Variants in ZNF385D observed in about 807,000 individuals in gnomAD.
The protein encoded by ZNF385D is zinc finger protein 659.
In ZNF385D, 15 loss-of-function variants were observed where a neutral mutation model predicts 35.8. The observed-to-expected ratio is 0.42, with a 90% confidence interval of 0.28 to 0.64. The LOEUF (loss-of-function observed/expected upper bound fraction) is 0.64. ZNF385D is among the 30% of genes least tolerant of loss of function. The probability of loss-of-function intolerance (pLI) is 0.23; values close to 1 mark genes in which losing one functional copy is unlikely to be tolerated. For missense variants in ZNF385D, 474 were observed against 494.6 expected, an observed-to-expected ratio of 0.96 and a Z score of 0.39; for synonymous variants, 212 against 186.8, an observed-to-expected ratio of 1.13 and a Z score of -1.10.
chr3:22,257,729 T>A (rs1311192369), intron 2 of ZNF385D, among the ~76,000 whole-genome samples: 1 of 151,796 alleles, frequency 6.6e-6, no homozygotes, highest in Non-Finnish European at 1.5e-5. Context: ...ACTCATACTA[T>A]CACTTTCTCA....
intron 3 of ZNF385D, among the ~76,000 whole-genome samples, chr3:21,523,862 G>A (rs1257395976): frequency 6.6e-6 from 1 of 151,948 alleles, no homozygotes; most frequent in African/African-American, 2.4e-5. Context: ...AGAAGAGGAG[G>A]GCAAGACTGG....
In ZNF385D at chr3:21,524,684, A is replaced by G. The variant is rs367776341; in HGVS notation, c.277-13661T>C. Among the ~76,000 whole-genome samples the G allele has an allele frequency of 3.3e-5, 5 of 152,170 alleles. No individual in the cohort carries two copies. In the East Asian group the frequency reaches 9.7e-4, roughly 29 times the overall value. ...GAGGGGATTCGTAAAGTCCAACTAT[A>G]GAAGGCTACAGTGAGTTGTCCTCCA... On this transcript the variant is annotated intron_variant, in intron 3 of 7. Coordinates refer to ENST00000281523, the MANE Select transcript of ZNF385D (RefSeq NM_024697.3).
intron 3 of ZNF385D, among the ~76,000 whole-genome samples, chr3:21,904,660 C>T (rs187635591): frequency 3.9e-5 from 6 of 152,180 alleles, no homozygotes; most frequent in Non-Finnish European, 5.9e-5. Context: ...CAGCAAATCA[C>T]GGAGCAGAAG....
chr3:21,927,972 C>T (rs1700815893), intron 3 of ZNF385D, among the ~76,000 whole-genome samples: 1 of 151,980 alleles, frequency 6.6e-6, no homozygotes, highest in Non-Finnish European at 1.5e-5. Flanking sequence ...GCCTGAAATC[C>T]CAATATTTTG....
intron 3 of ZNF385D, among the ~76,000 whole-genome samples, chr3:21,921,357 CT>C (rs1180733902): frequency 1.3e-5 from 2 of 151,784 alleles, no homozygotes; most frequent in African/African-American, 4.8e-5. Context: ...CAATCATTAA[CT>C]ATAGAAATTG....
intron 3 of ZNF385D, among the ~76,000 whole-genome samples, chr3:22,069,288 C>A (rs545141899): frequency 1.3e-5 from 2 of 152,084 alleles, no homozygotes; most frequent in Non-Finnish European, 2.9e-5. Flanking sequence ...GTTCTACATA[C>A]CCTCACCACA....
At chr3:22,231,495 C>T (rs1238179093) in intron 2 of ZNF385D, among the ~76,000 whole-genome samples, 2 of 152,168 alleles carry the variant, frequency 1.3e-5, no homozygotes, top group African/African-American at 4.8e-5. Context: ...CAGTAGCTGA[C>T]AAGAGGCCGT....
intron 3 of ZNF385D, among the ~76,000 whole-genome samples, chr3:21,804,647 G>T (rs572771386): frequency 6.6e-6 from 1 of 152,078 alleles, no homozygotes; most frequent in African/African-American, 2.4e-5. Flanking sequence ...ATTTACCTCT[G>T]GGCAATTCAT....
chr3:22,209,499 G>T (rs531673865), intron 2 of ZNF385D, among the ~76,000 whole-genome samples: 76 of 151,762 alleles, frequency 5.0e-4, no homozygotes, highest in African/African-American at 1.8e-3. Flanking sequence ...TTATATTAGT[G>T]TATTTATATA....
At chr3:22,316,100 A>C (rs1703871378) in intron 2 of ZNF385D, among the ~76,000 whole-genome samples, 3 of 152,156 alleles carry the variant, frequency 2.0e-5, no homozygotes, top group South Asian at 2.1e-4. Context: ...TCTGTGACTC[A>C]TAACTCAATT....
At chr3:22,142,247 A>C (rs549017474) in intron 3 of ZNF385D, among the ~76,000 whole-genome samples, 27 of 152,302 alleles carry the variant, frequency 1.8e-4, no homozygotes, top group Admixed American at 1.6e-3. Flanking sequence ...TTTAACTAAA[A>C]AAAATTTCTT....
chr3:22,291,881 T>C (rs1702318742), intron 2 of ZNF385D, among the ~76,000 whole-genome samples: 2 of 152,106 alleles, frequency 1.3e-5, no homozygotes, highest in South Asian at 4.1e-4. Flanking sequence ...TCAGTTTTCA[T>C]ATGTGAAACT....
chr3:21,858,053 T>C (rs1696830208), intron 3 of ZNF385D, among the ~76,000 whole-genome samples: 1 of 151,418 alleles, frequency 6.6e-6, no homozygotes, highest in African/African-American at 2.4e-5. Flanking sequence ...CTCCAGCTAC[T>C]CGGGAGGCTG....
intron 2 of ZNF385D, among the ~76,000 whole-genome samples, chr3:22,235,770 A>C (rs1699144228): frequency 1.3e-5 from 2 of 152,164 alleles, no homozygotes; most frequent in African/African-American, 4.8e-5. Context: ...GTGCTAATAA[A>C]GGCAGGAAAA....
At chr3:22,040,987 GA>G (rs1170548286) in intron 3 of ZNF385D, among the ~76,000 whole-genome samples, 4 of 151,908 alleles carry the variant, frequency 2.6e-5, no homozygotes, top group Non-Finnish European at 4.4e-5. Flanking sequence ...TCTTAGTATA[GA>G]AGCAGAGAAT....
intron 2 of ZNF385D, among the ~76,000 whole-genome samples, chr3:22,365,083 G>C (rs1696591328): frequency 6.6e-6 from 1 of 151,956 alleles, no homozygotes; most frequent in Non-Finnish European, 1.5e-5. Context: ...GGTTGCCAGG[G>C]GCTGTGGGCA....
intron 2 of ZNF385D, among the ~76,000 whole-genome samples, chr3:22,276,178 A>G (rs150847922): frequency 6.6e-6 from 1 of 152,250 alleles, no homozygotes; most frequent in African/African-American, 2.4e-5. Flanking sequence ...GAATTAATTT[A>G]AATTTCTTTT....
intron 3 of ZNF385D, among the ~76,000 whole-genome samples, chr3:22,005,056 C>CAAAAAAAAAAAAA (rs71044965): frequency 8.7e-5 from 5 of 57,370 alleles, no homozygotes; most frequent in South Asian, 7.6e-4. Context: ...CACTCAGCAG[C>CAAAAAAAAAAAAA]AAAAAAAAAA....
chr3:22,276,112 T>C (rs564719227), intron 2 of ZNF385D, among the ~76,000 whole-genome samples: 1 of 152,008 alleles, frequency 6.6e-6, no homozygotes, highest in Admixed American at 6.6e-5. Context: ...TCATGAGACT[T>C]GAAATGGTGA....
Sources: gnomAD v4.1 joint callset for allele counts (sites outside exome capture counted in the v4.1 genomes callset) on GRCh38, gnomAD v4.1.1 for gene constraint, MANE v1.5 for transcripts, NCBI Gene and HGNC (gene_info 2026-07-23, HGNC 2026-07-21) for gene names.